Variants in WDTC1 observed in about 807,000 individuals in gnomAD.
The protein encoded by WDTC1 is WD and tetratricopeptide repeats protein 1.
Under a neutral mutation model 76.0 loss-of-function variants are expected in WDTC1, and 12 were observed. The observed-to-expected ratio is 0.16, with a 90% confidence interval of 0.10 to 0.26. The LOEUF (loss-of-function observed/expected upper bound fraction) is 0.26, where lower values mean the gene tolerates loss of function less well. Among genes scored for constraint, WDTC1 ranks in the 10% least tolerant of loss-of-function variants. The pLI, the probability that WDTC1 is intolerant of heterozygous loss-of-function variation, is 1.00. For synonymous variants in WDTC1, 326 were observed against 350.8 expected (o/e 0.93, Z 0.79); for missense variants, 511 against 908.8 (o/e 0.56, Z 5.63).
At chr1:27,299,580 AC>A (rs2013780849) in intron 12 of WDTC1, among the ~76,000 whole-genome samples, 2 of 152,180 alleles carry the variant, frequency 1.3e-5, no homozygotes, top group African/African-American at 4.8e-5. Context: ...TGTTTGCAGA[AC>A]AGCAAATCCA....
At position 27,234,834 on chromosome 1, in the gene WDTC1, C is replaced by T. The variant is rs894417412; in HGVS notation, c.-217C>T. The T allele has an allele frequency of 2.5e-6, 1 of 396,740 alleles. No homozygotes were observed. Among genetic ancestry groups the T allele is most frequent in the Non-Finnish European group, 4.4e-6 (1 of 224,870 alleles). 24.6% of individuals were successfully genotyped at this position (396,740 alleles called of 1,614,324 possible). On this transcript the variant is annotated 5_prime_UTR_variant, in exon 1 of 16. Transcript: ENST00000319394. ...TGGGAAGGGGCTAGAACTGCTCGAG[C>T]CCCCCAGCCCCCTCCCCGGGATCCG...
intron 3 of WDTC1, among the ~76,000 whole-genome samples, chr1:27,269,155 C>G (rs1466768122): frequency 1.1e-5 from 1 of 94,336 alleles, no homozygotes; most frequent in Non-Finnish European, 2.0e-5. Context: ...TAAGGAGGCC[C>G]TGTTTCTCCA....
rs1325546267 is a variant in WDTC1 at position 27,307,097 on chromosome 1, C to G, written c.*714C>G. On this transcript the variant is annotated 3_prime_UTR_variant, in exon 16 of 16. Transcript: ENST00000319394. This position sits in a 1 kb window ranked among gnomAD's most constrained non-coding sequence, Gnocchi z 4.1. Reference sequence around the variant, plus strand: ...GCAGAGGGTGGGGCACTGCACCTTACCCCACCCATCCATGCCAGCACTTCT... The same window carrying G: ...GCAGAGGGTGGGGCACTGCACCTTAGCCCACCCATCCATGCCAGCACTTCT... 1 of 153,166 alleles carries G rather than the reference C, an allele frequency of 6.5e-6. No homozygotes were observed. The highest frequency in any genetic ancestry group is 2.4e-5 in the African/African-American group (1 of 41,444). 9.5% of individuals were successfully genotyped at this position (153,166 alleles called of 1,614,324 possible).
At position 27,297,940 on chromosome 1, in the gene WDTC1, C is replaced by T. The variant is rs2013736418; in HGVS notation, c.1061C>T (p.Pro354Leu). The change falls in exon 12 of 16, where the codon CCC becomes CTC. Residue 354 changes from proline to leucine, a missense_variant and splice_region_variant. Transcript: ENST00000319394. ...RLPESRGHVS[P>L]QVELPPYLER... is the part of the protein sequence containing the mutation. ...ACTTGGCTCTATTTCCCCTGCAGCC[C>T]CCAAGTAGAGCTACCACCATACCTG... The T allele has an allele frequency of 1.9e-6, 3 of 1,608,996 alleles. No individual in the cohort carries two copies. Among genetic ancestry groups the T allele is most frequent in the African/African-American group, 1.3e-5 (1 of 74,884 alleles).
intron 3 of WDTC1, among the ~76,000 whole-genome samples, chr1:27,271,468 G>A (rs888107974): frequency 6.6e-6 from 1 of 152,004 alleles, no homozygotes; most frequent in Non-Finnish European, 1.5e-5. Context: ...GCCTGCCACA[G>A]CCTCCCAAGA....
At chr1:27,243,300 C>T (rs768119537) in intron 1 of WDTC1, among the ~76,000 whole-genome samples, 3 of 150,444 alleles carry the variant, frequency 2.0e-5, no homozygotes, top group Non-Finnish European at 4.4e-5. Flanking sequence ...GCAACCTCTG[C>T]CTCCTGAGTT....
At position 27,260,998 on chromosome 1, in the gene WDTC1, G is replaced by A; in HGVS notation, c.-57G>A. 6.3e-7 allele frequency: 1 copy of A among 1,594,334 alleles called. No homozygotes were observed. Among genetic ancestry groups the A allele is most frequent in the Non-Finnish European group, 8.6e-7 (1 of 1,164,056 alleles). On this transcript the variant is annotated 5_prime_UTR_variant, in exon 2 of 16. An upstream start codon of the reference 5' UTR is lost. Coordinates refer to ENST00000319394, the MANE Select transcript of WDTC1 (RefSeq NM_001276252.2). The stretch of plus-strand genomic sequence containing the variant: ...TTGTGGACCTGGGCTTGGCTGGAAT[G>A]CTCAGGGGTCCTGAAGATCCTATTA...
chr1:27,265,494 T>A (rs888515879), intron 3 of WDTC1, among the ~76,000 whole-genome samples: 1 of 152,080 alleles, frequency 6.6e-6, no homozygotes, highest in Non-Finnish European at 1.5e-5. Flanking sequence ...AAACATTTTT[T>A]AAAAAATGAA....
chr1:27,276,729 T>C (rs948278382), intron 3 of WDTC1, among the ~76,000 whole-genome samples: 1 of 151,680 alleles, frequency 6.6e-6, no homozygotes, highest in Non-Finnish European at 1.5e-5. Context: ...ATTTTTTTTT[T>C]ATTATAGCCC....
chr1:27,277,912 C>T (rs1341089366), intron 3 of WDTC1, among the ~76,000 whole-genome samples: 2 of 152,116 alleles, frequency 1.3e-5, no homozygotes, highest in Non-Finnish European at 2.9e-5. Context: ...ATGATCTTGG[C>T]TCACCGCAAC....
At chr1:27,256,140 T>A (rs181939294) in intron 1 of WDTC1, among the ~76,000 whole-genome samples, 1 of 152,260 alleles carries the variant, frequency 6.6e-6, no homozygotes, top group Non-Finnish European at 1.5e-5. Context: ...AACTGGGCAA[T>A]AGGCAGGACC....
In WDTC1 at chr1:27,305,883, T is replaced by C. The variant is rs2013942283; in HGVS notation, c.1837-303T>C. On this transcript the variant is annotated intron_variant, in intron 15 of 15. Coordinates refer to ENST00000319394, the MANE Select transcript of WDTC1 (RefSeq NM_001276252.2). The surrounding 1 kb of genome is among the most constrained non-coding windows in gnomAD (Gnocchi z 4.6). Reference sequence around the variant, plus strand: ...TTGTATCTGCCCCTTGTCCCAGGTATCCCAGTATGTGTGTCCAACATATCC... The same window carrying C: ...TTGTATCTGCCCCTTGTCCCAGGTACCCCAGTATGTGTGTCCAACATATCC... 6.6e-6 allele frequency among the ~76,000 whole-genome samples: 1 copy of C among 152,076 alleles called. No homozygotes were observed. Among genetic ancestry groups the C allele is most frequent in the East Asian group, 1.9e-4 (1 of 5,196 alleles).
chr1:27,238,423 G>A (rs993707985), intron 1 of WDTC1, among the ~76,000 whole-genome samples: 3 of 152,192 alleles, frequency 2.0e-5, no homozygotes, highest in African/African-American at 7.2e-5. Context: ...AAAATGGGCT[G>A]CCTTGTGAGG....
chr1:27,244,217 A>C (rs998425342), intron 1 of WDTC1, among the ~76,000 whole-genome samples: 1 of 152,114 alleles, frequency 6.6e-6, no homozygotes, highest in African/African-American at 2.4e-5. Context: ...AAGAAAAAAA[A>C]ATTTAAAAGA....
intron 3 of WDTC1, 33 bp from the exon 4 acceptor site, chr1:27,282,206 A>G (rs749339698): frequency 7.4e-6 from 12 of 1,611,428 alleles, no homozygotes; most frequent in African/African-American, 5.4e-5. Context: ...CCCCTAACCA[A>G]CTCTCTTCCT....
intron 10 of WDTC1, 23 bp downstream of exon 10, chr1:27,296,424 T>A (rs2013686508): frequency 6.2e-7 from 1 of 1,613,184 alleles, no homozygotes; most frequent in Non-Finnish European, 8.5e-7. Flanking sequence ...TTAGGGTATC[T>A]CTACTGCGGC....
chr1:27,273,540 C>T (rs1387296342), intron 3 of WDTC1, among the ~76,000 whole-genome samples: 2 of 152,076 alleles, frequency 1.3e-5, no homozygotes, highest in Middle Eastern at 3.4e-3. Flanking sequence ...ATTAAGAAAA[C>T]ATAAACCAAA....
rs1356387915 is a variant in WDTC1 at position 27,306,161 on chromosome 1, T to C, written c.1837-25T>C. On this transcript the variant is annotated intron_variant, in intron 15 of 15. Coordinates refer to ENST00000319394, the MANE Select transcript of WDTC1 (RefSeq NM_001276252.2). This position sits in a 1 kb window ranked among gnomAD's most constrained non-coding sequence, Gnocchi z 5.0. ...TGCCTCTCCCTCCCTGAGCCCCACGTGTGTCACCCCTTTCTCCACCACAGA... is the reference window on the plus strand; with the variant it reads ...TGCCTCTCCCTCCCTGAGCCCCACGCGTGTCACCCCTTTCTCCACCACAGA... 1.9e-6 allele frequency: 3 copies of C among 1,613,538 alleles called. No individual in the cohort carries two copies. The highest frequency in any genetic ancestry group is 2.7e-5 in the African/African-American group (2 of 74,958).
chr1:27,255,134 T>G (rs1402854272), intron 1 of WDTC1, among the ~76,000 whole-genome samples: 4 of 152,176 alleles, frequency 2.6e-5, no homozygotes, highest in Admixed American at 2.6e-4. Flanking sequence ...ATGGCTACTA[T>G]GTGTTTCATC....
Sources: allele counts gnomAD v4.1 joint callset (sites outside exome capture counted in the v4.1 genomes callset), GRCh38; gene constraint gnomAD v4.1.1; non-coding constraint Gnocchi (gnomAD v3.1); transcripts MANE v1.5; gene names NCBI Gene and HGNC (gene_info 2026-07-23, HGNC 2026-07-21).